The following ZZZ3 variants were observed in gnomAD, a reference collection of about 807,000 sequenced individuals.
The protein encoded by ZZZ3 is zinc finger ZZ-type containing 3, also known as ZZ-type zinc finger-containing protein 3.
ZZZ3 carries 22 observed loss-of-function variants against 95.2 expected under a neutral mutation model. The observed-to-expected ratio is 0.23, with a 90% CI of 0.17 to 0.33. The LOEUF is 0.33. Among genes scored for constraint, ZZZ3 ranks in the 10% least tolerant of loss-of-function variants. The pLI, the probability that ZZZ3 is intolerant of heterozygous loss-of-function variation, is 1.00. For synonymous variants in ZZZ3, 335 were observed against 358.9 expected, an observed-to-expected ratio of 0.93 and a Z score of 0.75; for missense variants, 885 against 1,066.5, an observed-to-expected ratio of 0.83 and a Z score of 2.37.
chr1:77,577,516 TA>T (rs924198309), intron 11 of ZZZ3, among the ~76,000 whole-genome samples: 39 of 152,084 alleles, frequency 2.6e-4, no homozygotes, highest in African/African-American at 9.2e-4. Context: ...AAAGCTCGGT[TA>T]AAAAAAATTT....
intron 12 of ZZZ3, among the ~76,000 whole-genome samples, chr1:77,572,531 G>A (rs1382283131): frequency 1.3e-5 from 2 of 151,836 alleles, no homozygotes; most frequent in Non-Finnish European, 2.9e-5. Flanking sequence ...GTAGAGACGG[G>A]GTTTCACCAT....
intron 5 of ZZZ3, among the ~76,000 whole-genome samples, chr1:77,594,921 CAAAA>C (rs371690201): frequency 5.0e-5 from 4 of 80,700 alleles, no homozygotes; most frequent in African/African-American, 9.3e-5. Context: ...TTGACAGGCC[CAAAA>C]AAAAAAAAAA....
At chr1:77,655,225 C>T (rs1277579006) in intron 1 of ZZZ3, among the ~76,000 whole-genome samples, 1 of 152,174 alleles carries the variant, frequency 6.6e-6, no homozygotes, top group African/African-American at 2.4e-5. Flanking sequence ...CCAATCACGT[C>T]TTAAAGGTCC....
chr1:77,659,524 T>A (rs983986620), intron 1 of ZZZ3, among the ~76,000 whole-genome samples: 1 of 151,108 alleles, frequency 6.6e-6, no homozygotes, highest in African/African-American at 2.4e-5. Flanking sequence ...CCATCTCTAT[T>A]AAAAATACAA....
At chr1:77,620,484 TGGAA>T (rs67469701) in intron 5 of ZZZ3, among the ~76,000 whole-genome samples, 49,665 of 135,420 alleles carry the variant, frequency 0.37, 9,555 homozygotes, top group Admixed American at 0.42. Context: ...AACGAAAGAA[TGGAA>T]GGAAGGAAGG....
intron 5 of ZZZ3, among the ~76,000 whole-genome samples, chr1:77,606,926 G>A (rs998174134): frequency 7.2e-5 from 11 of 152,200 alleles, no homozygotes; most frequent in Non-Finnish European, 1.5e-4. Context: ...CACTGTAGTA[G>A]ATGTCCAAGC....
At chr1:77,638,182 T>C (rs1308754972) in intron 4 of ZZZ3, among the ~76,000 whole-genome samples, 1 of 152,176 alleles carries the variant, frequency 6.6e-6, no homozygotes, top group Non-Finnish European at 1.5e-5. Flanking sequence ...CTCATCCTCT[T>C]GGAGGCCATA....
chr1:77,583,077 A>C (rs974484740), intron 6 of ZZZ3, among the ~76,000 whole-genome samples: 5 of 152,108 alleles, frequency 3.3e-5, no homozygotes, highest in Non-Finnish European at 4.4e-5. Context: ...ACTGCACTCC[A>C]GCCTGGGTGA....
intron 5 of ZZZ3, among the ~76,000 whole-genome samples, chr1:77,630,794 G>T (rs1201769518): frequency 6.6e-6 from 1 of 152,116 alleles, no homozygotes; most frequent in Middle Eastern, 3.4e-3. Context: ...ACAATGCATG[G>T]CAAAAAAAAT....
chr1:77,597,099 G>A (rs374318497), intron 5 of ZZZ3, among the ~76,000 whole-genome samples: 3 of 151,954 alleles, frequency 2.0e-5, no homozygotes, highest in Admixed American at 6.6e-5. Flanking sequence ...CAAAATGAGC[G>A]TCAAGTATTT....
At chr1:77,652,526 A>G (rs1193327238) in intron 1 of ZZZ3, among the ~76,000 whole-genome samples, 1 of 152,202 alleles carries the variant, frequency 6.6e-6, no homozygotes, top group Non-Finnish European at 1.5e-5. Flanking sequence ...GCTTTGGAAA[A>G]TAGTTTGGCA....
chr1:77,607,339 G>A (rs1198734742), intron 5 of ZZZ3, among the ~76,000 whole-genome samples: 1 of 152,124 alleles, frequency 6.6e-6, no homozygotes, highest in Non-Finnish European at 1.5e-5. Flanking sequence ...TCTCCACCTG[G>A]CCCTGCCCTT....
chr1:77,676,722 T>C (rs1209910567), intron 1 of ZZZ3, among the ~76,000 whole-genome samples: 1 of 152,022 alleles, frequency 6.6e-6, no homozygotes, highest in African/African-American at 2.4e-5. Context: ...CACAGAATCA[T>C]CTAAAAACAA....
chr1:77,642,622 T>C (rs1486057922), intron 1 of ZZZ3, among the ~76,000 whole-genome samples: 1 of 151,174 alleles, frequency 6.6e-6, no homozygotes, highest in Admixed American at 6.6e-5. Flanking sequence ...CCAGACGTGG[T>C]TGTGTGTGTC....
intron 1 of ZZZ3, among the ~76,000 whole-genome samples, chr1:77,660,223 G>A (rs1384087206): frequency 6.6e-6 from 1 of 151,902 alleles, no homozygotes; most frequent in Non-Finnish European, 1.5e-5. Flanking sequence ...TTTTATTGTG[G>A]TAAAATACAC....
intron 1 of ZZZ3, among the ~76,000 whole-genome samples, chr1:77,675,313 T>C (rs1672158072): frequency 6.6e-6 from 1 of 152,152 alleles, no homozygotes; most frequent in African/African-American, 2.4e-5. Context: ...GCAGGATCTA[T>C]TTTCCTTTAA....
At chr1:77,593,128 G>A (rs1663882865) in intron 5 of ZZZ3, among the ~76,000 whole-genome samples, 1 of 152,120 alleles carries the variant, frequency 6.6e-6, no homozygotes, top group Non-Finnish European at 1.5e-5. Context: ...TTGGGATCCT[G>A]AAAGGCTATA....
chr1:77,645,864 G>A (rs1028050874), intron 1 of ZZZ3, among the ~76,000 whole-genome samples: 4 of 151,586 alleles, frequency 2.6e-5, no homozygotes, highest in South Asian at 2.1e-4. Context: ...CCAGCTACTC[G>A]GGAGGCTGAG....
chr1:77,638,258 T>A (rs980647209), intron 4 of ZZZ3, among the ~76,000 whole-genome samples: 2 of 152,176 alleles, frequency 1.3e-5, no homozygotes, highest in Non-Finnish European at 2.9e-5. Context: ...ATCCTACCTA[T>A]AATTTCACAT....
Sources: gnomAD v4.1 joint callset for allele counts (sites outside exome capture counted in the v4.1 genomes callset) on GRCh38, gnomAD v4.1.1 for gene constraint, MANE v1.5 for transcripts, NCBI Gene and HGNC (gene_info 2026-07-23, HGNC 2026-07-21) for gene names.